EPHA8: variants seen among roughly 807,000 people sequenced by gnomAD.
EPHA8 encodes the protein ephrin type-A receptor 8.
In EPHA8, 58 loss-of-function variants were observed where a neutral mutation model predicts 103.6. The observed-to-expected ratio is 0.56, with a 90% CI of 0.45 to 0.70. EPHA8 has a LOEUF of 0.70. Among genes scored for constraint, EPHA8 ranks in the 30% least tolerant of loss-of-function variants. EPHA8 has a pLI of 0.00. For synonymous variants in EPHA8, 559 were observed against 572.5 expected (o/e 0.98, Z 0.34); for missense variants, 1,304 against 1,395.2 (o/e 0.93, Z 1.04).
chr1:22,570,382 ACG>A (rs201751155), intron 2 of EPHA8, among the ~76,000 whole-genome samples: 1,958 of 91,800 alleles, frequency 0.021, 55 homozygotes, highest in African/African-American at 0.12. Flanking sequence ...GCGTACACAC[ACG>A]CGCGCGCGCA....
intron 5 of EPHA8, among the ~76,000 whole-genome samples, chr1:22,590,327 A>G (rs1238355717): frequency 6.6e-6 from 1 of 152,124 alleles, no homozygotes; most frequent in Non-Finnish European, 1.5e-5. Flanking sequence ...CCCCAACATT[A>G]AAGAGGAAAC....
chr1:22,589,042 G>A lies in EPHA8; in HGVS notation c.1151G>A (p.Arg384His), dbSNP rs762185124. The change falls in exon 5 of 17, where the codon CGC (arginine) becomes CAC (histidine). Residue 384 changes from arginine to histidine, a missense_variant. Coordinates refer to ENST00000166244, the MANE Select transcript of EPHA8 (RefSeq NM_020526.5). The surrounding 1 kb of genome is among the most constrained non-coding windows in gnomAD (Gnocchi z 4.3). Reference protein sequence around the residue: ...SRCEACGSGTRFVPQQTSLVQ... With the variant: ...SRCEACGSGTHFVPQQTSLVQ... ...TGCGAGGCATGTGGGAGCGGCACCC[G>A]CTTTGTGCCCCAGCAGACAAGCCTG... The A allele has an allele frequency of 1.1e-5, 18 of 1,612,372 alleles. No individual in the cohort carries two copies. The highest frequency in any genetic ancestry group is 5.5e-5 in the South Asian group (5 of 90,922).
At chr1:22,578,362 A>C (rs1263000333) in intron 3 of EPHA8, among the ~76,000 whole-genome samples, 3 of 130,378 alleles carry the variant, frequency 2.3e-5, no homozygotes, top group Non-Finnish European at 3.2e-5. Context: ...GTGTGCGTGC[A>C]TGTGTGCGTG....
chr1:22,572,250 T>C (rs1486836822), intron 2 of EPHA8, among the ~76,000 whole-genome samples: 1 of 152,224 alleles, frequency 6.6e-6, no homozygotes, highest in Non-Finnish European at 1.5e-5. Flanking sequence ...TGGGTCCTGA[T>C]GAACGGGGGC....
In EPHA8 at chr1:22,573,556, C is replaced by A. The variant is rs538187213; in HGVS notation, c.160-2661C>A. Reference sequence around the variant, plus strand: ...GAGCATCTGGTCATGAAGCCCCCCTCCCCCTTTAAGCAATAGGATCTCTAG... The same window carrying A: ...GAGCATCTGGTCATGAAGCCCCCCTACCCCTTTAAGCAATAGGATCTCTAG... On this transcript the variant is annotated intron_variant, in intron 2 of 16. Coordinates refer to ENST00000166244, the MANE Select transcript of EPHA8 (RefSeq NM_020526.5). 2.9e-3 allele frequency among the ~76,000 whole-genome samples: 448 copies of A among 152,270 alleles called. 3 individuals carry two copies. Among genetic ancestry groups the A allele is most frequent in the African/African-American group, 9.8e-3 (407 of 41,542 alleles).
intron 2 of EPHA8, among the ~76,000 whole-genome samples, chr1:22,573,858 G>A (rs1640609780): frequency 6.6e-6 from 1 of 152,242 alleles, no homozygotes; most frequent in Non-Finnish European, 1.5e-5. Context: ...AACTACAGAT[G>A]CCCACACCCA....
chr1:22,598,130 C>G lies in EPHA8; in HGVS notation c.2117-21C>G. The G allele has an allele frequency of 6.2e-7, 1 of 1,612,986 alleles. No individual in the cohort carries two copies. The highest frequency in any genetic ancestry group is 8.5e-7 in the Non-Finnish European group (1 of 1,179,656). ...CCTGAGCCCCAAACCAAGAGCCACC[C>G]TCTCCCTACTGCCCGCCCAGGCCGC... On this transcript the variant is annotated intron_variant, in intron 11 of 16. Transcript: ENST00000166244. The surrounding 1 kb of genome is among the most constrained non-coding windows in gnomAD (Gnocchi z 5.1).
chr1:22,576,820 G>T lies in EPHA8; in HGVS notation c.763G>T (p.Val255Leu), dbSNP rs752919461. ...CTGCAGCGCGGAGGGCGAGTGGCTC[G>T]TGCCCATCGGCAAATGCGTGTGCAG... ...MYCSAEGEWL[V>L]PIGKCVCSAG... The change falls in exon 3 of 17, where the codon GTG becomes TTG. Residue 255 changes from valine to leucine, a missense_variant. Coordinates refer to ENST00000166244, the MANE Select transcript of EPHA8 (RefSeq NM_020526.5). This position sits in a 1 kb window ranked among gnomAD's most constrained non-coding sequence, Gnocchi z 4.8. 6 of 1,610,744 alleles carry T rather than the reference G, an allele frequency of 3.7e-6. No homozygotes were observed. The highest frequency in any genetic ancestry group is 2.2e-5 in the East Asian group (1 of 44,774).
chr1:22,589,165 C>A lies in EPHA8; in HGVS notation c.1274C>A (p.Pro425His). The change falls in exon 5 of 17, where the codon CCC becomes CAC. Residue 425 changes from proline (P) to histidine (H), a missense_variant. Physicochemically the swap from Pro to His is moderately conservative, Grantham distance 77. Transcript: ENST00000166244. This position sits in a 1 kb window ranked among gnomAD's most constrained non-coding sequence, Gnocchi z 4.3. Reference sequence around the variant, plus strand: ...GGCGTGTCCGACCTGAGCCCCGAGCCCCGCCGGGCCGCTGTGGTCAACATC... The same window carrying A: ...GGCGTGTCCGACCTGAGCCCCGAGCACCGCCGGGCCGCTGTGGTCAACATC... ...VNGVSDLSPE[P>H]RRAAVVNITT... The A allele has an allele frequency of 6.2e-7, 1 of 1,613,860 alleles. No homozygotes were observed. The highest frequency in any genetic ancestry group is 8.5e-7 in the Non-Finnish European group (1 of 1,179,956).
In EPHA8 at chr1:22,601,334, G is replaced by A. The variant is rs1043147569; in HGVS notation, c.2764G>A (p.Asp922Asn). Residue 922 changes from aspartate to asparagine, a missense_variant, in exon 16 of 17, where the codon GAC becomes AAC. Coordinates refer to ENST00000166244, the MANE Select transcript of EPHA8 (RefSeq NM_020526.5). Reference protein sequence around the residue: ...PPPAFVRSCFDLRGGSGGGGG... With the variant: ...PPPAFVRSCFNLRGGSGGGGG... The stretch of plus-strand genomic sequence containing the variant: ...CCCTGCCTTCGTCCGGAGCTGCTTT[G>A]ACCTCCGAGGGGGCAGCGGTGGCGG... The A allele has an allele frequency of 6.2e-7, 1 of 1,606,804 alleles. No individual in the cohort carries two copies. Among genetic ancestry groups the A allele is most frequent in the Non-Finnish European group, 8.5e-7 (1 of 1,178,118 alleles).
In EPHA8 at chr1:22,573,248, G is replaced by A. The variant is rs762246604; in HGVS notation, c.160-2969G>A. Among the ~76,000 whole-genome samples the A allele has an allele frequency of 1.1e-4, 17 of 152,280 alleles. No homozygotes were observed. The Middle Eastern group carries it at 0.01, about 91-fold the overall frequency. ...CCGCATGGTCCCTGGAGGCAGGCGC[G>A]GTAGGCTGTGAAGATGCTGCCAGTT... is the stretch of plus-strand genomic sequence containing the variant. On this transcript the variant is annotated intron_variant, in intron 2 of 16. Coordinates refer to ENST00000166244, the MANE Select transcript of EPHA8 (RefSeq NM_020526.5).
At chr1:22,578,685 G>C (rs1219695957) in intron 3 of EPHA8, among the ~76,000 whole-genome samples, 1 of 140,346 alleles carries the variant, frequency 7.1e-6, no homozygotes, top group South Asian at 2.2e-4. Context: ...TTGTGCATGA[G>C]TGTATGTGTG....
intron 3 of EPHA8, among the ~76,000 whole-genome samples, chr1:22,577,930 CGTGAGTGT>C (rs1299165822): frequency 1.6e-3 from 7 of 4,424 alleles, no homozygotes; most frequent in East Asian, 4.3e-3. Context: ...TGTATGTGTG[CGTGAGTGT>C]ATGTGTGCGA....
intron 2 of EPHA8, among the ~76,000 whole-genome samples, chr1:22,573,552 C>G (rs936304458): frequency 1.3e-5 from 2 of 152,128 alleles, no homozygotes; most frequent in African/African-American, 4.8e-5. Flanking sequence ...CATGAAGCCC[C>G]CCTCCCCCTT....
rs773051934 is a variant in EPHA8, at chr1:22,569,245, A to G, written c.95-44A>G. ...TCAGGCTGCTCTTGAGGAGCTGGGG[A>G]GAAGTCAGAGGGGCCTGATGCCCTC... On this transcript the variant is annotated intron_variant, in intron 1 of 16. Coordinates refer to ENST00000166244, the MANE Select transcript of EPHA8 (RefSeq NM_020526.5). This position sits in a 1 kb window ranked among gnomAD's most constrained non-coding sequence, Gnocchi z 4.5. 1.9e-6 allele frequency: 3 copies of G among 1,607,902 alleles called. No homozygotes were observed. In the Admixed American group the frequency reaches 5.0e-5, roughly 27 times the overall value.
In EPHA8 at chr1:22,601,460, C is replaced by G. The variant is rs774311718; in HGVS notation, c.2890C>G (p.Arg964Gly). The G allele has an allele frequency of 3.7e-5, 60 of 1,609,710 alleles. No individual in the cohort carries two copies. Among genetic ancestry groups the G allele is most frequent in the Non-Finnish European group, 4.7e-5 (56 of 1,179,756 alleles). ...GGYSSLGMVL[R>G]MNAQDVRALG... ...ATACTCCTCTCTGGGCATGGTGCTACGCATGAACGCCCAGTGAGTGATGGG... is the reference window on the plus strand; with the variant it reads ...ATACTCCTCTCTGGGCATGGTGCTAGGCATGAACGCCCAGTGAGTGATGGG... Residue 964 changes from arginine (R) to glycine (G), a missense_variant, in exon 16 of 17, where the codon CGC (arginine) becomes GGC (glycine). By Grantham distance (125) the Arg-to-Gly change is moderately radical. Transcript: ENST00000166244.
intron 3 of EPHA8, among the ~76,000 whole-genome samples, chr1:22,578,707 A>G (rs375997614): frequency 3.0e-5 from 4 of 133,110 alleles, no homozygotes; most frequent in East Asian, 2.3e-4. Context: ...CTGTGTGTGT[A>G]TGTATATGCA....
intron 13 of EPHA8, among the ~76,000 whole-genome samples, chr1:22,599,702 G>GA (rs1296979228): frequency 5.7e-5 from 1 of 17,504 alleles, no homozygotes; most frequent in Non-Finnish European, 1.1e-4. Context: ...GAGGGAGGGA[G>GA]GAAGGAGGGA....
chr1:22,578,575 ATG>A (rs796851101), intron 3 of EPHA8, among the ~76,000 whole-genome samples: 6 of 128,180 alleles, frequency 4.7e-5, no homozygotes, highest in African/African-American at 1.5e-4. Flanking sequence ...TAGTGTCTGC[ATG>A]TGTGCATGAA....
Sources: gnomAD v4.1 joint callset for allele counts (sites outside exome capture counted in the v4.1 genomes callset) on GRCh38, gnomAD v4.1.1 for gene constraint, Gnocchi (gnomAD v3.1) non-coding constraint, MANE v1.5 for transcripts, NCBI Gene and HGNC (gene_info 2026-07-23, HGNC 2026-07-21) for gene names.